The following FBLN7 variants were observed in gnomAD, a reference collection of about 807,000 sequenced individuals.
The protein encoded by FBLN7 is fibulin-7.
Under a neutral mutation model 44.0 loss-of-function variants are expected in FBLN7, and 31 were observed. The observed-to-expected ratio is 0.70, with a 90% CI of 0.53 to 0.95. The LOEUF (loss-of-function observed/expected upper bound fraction) is 0.95. Ranked by LOEUF, FBLN7 falls within the 40% of genes least tolerant of loss-of-function variation. The probability of loss-of-function intolerance (pLI) is 0.00; values close to 1 mark genes in which losing one functional copy is unlikely to be tolerated. For synonymous variants in FBLN7, 262 were observed against 253.4 expected (o/e 1.03, Z -0.32); for missense variants, 573 against 618.5 (o/e 0.93, Z 0.78).
chr2:112,170,157 G>A lies in FBLN7; in HGVS notation c.406+4986G>A, dbSNP rs537345979. ...CTTGGGAGGCTGAGGCAGAAGAATC[G>A]CTTGAACCCGGGAGGCGGAGATTGC... On this transcript the variant is annotated intron_variant, in intron 3 of 7. Coordinates refer to ENST00000331203, the MANE Select transcript of FBLN7 (RefSeq NM_153214.3). Among the ~76,000 whole-genome samples, 104 of 151,918 alleles carry A rather than the reference G, an allele frequency of 6.8e-4. No individual in the cohort carries two copies. In the Middle Eastern group the frequency reaches 0.017, roughly 25 times the overall value.
chr2:112,198,187 CCT>C, the FBLN7 span, among the ~76,000 whole-genome samples: 1 of 152,174 alleles, frequency 6.6e-6, no homozygotes, highest in African/African-American at 2.4e-5. Context: ...GGCTCTTACC[CCT>C]TTCTGTGGTC....
At chr2:112,232,165 A>T in the FBLN7 span, among the ~76,000 whole-genome samples, 2 of 152,166 alleles carry the variant, frequency 1.3e-5, no homozygotes, top group Non-Finnish European at 2.9e-5. Context: ...CAAAAAAATT[A>T]GCTGGGCATG....
intron 3 of FBLN7, among the ~76,000 whole-genome samples, chr2:112,170,795 T>C (rs74911784): frequency 0.043 from 6,597 of 152,244 alleles, 240 homozygotes; most frequent in African/African-American, 0.1. Flanking sequence ...AGAGAATGCA[T>C]TGGAGATGAC....
chr2:112,161,288 T>C (rs570001659), intron 2 of FBLN7, among the ~76,000 whole-genome samples: 1 of 152,184 alleles, frequency 6.6e-6, no homozygotes, highest in African/African-American at 2.4e-5. Context: ...TGAGTTGAAG[T>C]TTCCTGGGGA....
At chr2:112,155,068 C>G (rs1681346820) in intron 1 of FBLN7, among the ~76,000 whole-genome samples, 1 of 152,138 alleles carries the variant, frequency 6.6e-6, no homozygotes, top group Non-Finnish European at 1.5e-5. Context: ...GGGACTTGTT[C>G]TTTGTTTGAA....
intron 4 of FBLN7, among the ~76,000 whole-genome samples, chr2:112,179,684 G>A (rs1209742621): frequency 6.6e-6 from 1 of 152,126 alleles, no homozygotes; most frequent in African/African-American, 2.4e-5. Context: ...ACAGAAATAA[G>A]GCCACACATC....
intron 2 of FBLN7, among the ~76,000 whole-genome samples, chr2:112,160,885 AAT>A (rs1681833683): frequency 1.3e-5 from 2 of 150,196 alleles, no homozygotes; most frequent in Non-Finnish European, 3.0e-5. Context: ...GAGCCAGTGC[AAT>A]ACACTGGTTC....
At chr2:112,174,984 A>G (rs1170115691) in intron 3 of FBLN7, among the ~76,000 whole-genome samples, 2 of 151,438 alleles carry the variant, frequency 1.3e-5, no homozygotes, top group East Asian at 3.9e-4. Flanking sequence ...AAACTAGCAA[A>G]GAAAAATCAC....
intron 2 of FBLN7, among the ~76,000 whole-genome samples, chr2:112,160,814 G>A (rs1161446924): frequency 2.9e-5 from 4 of 137,044 alleles, no homozygotes; most frequent in African/African-American, 8.4e-5. Flanking sequence ...GCACACACAC[G>A]CACACACAAG....
At chr2:112,200,674 A>G in the FBLN7 span, among the ~76,000 whole-genome samples, 1 of 152,032 alleles carries the variant, frequency 6.6e-6, no homozygotes, top group Non-Finnish European at 1.5e-5. Context: ...GGCTGGGATT[A>G]CAGGTGCACC....
chr2:112,157,392 T>A (rs1558876205), intron 1 of FBLN7, among the ~76,000 whole-genome samples: 1 of 151,922 alleles, frequency 6.6e-6, no homozygotes, highest in Non-Finnish European at 1.5e-5. Context: ...TTAAATTAAA[T>A]TAAAACATAA....
chr2:112,224,296 T>A, the FBLN7 span, among the ~76,000 whole-genome samples: 1 of 152,190 alleles, frequency 6.6e-6, no homozygotes, highest in African/African-American at 2.4e-5. Context: ...AAAGAAAAAC[T>A]CTGGTCATGT....
the FBLN7 span, among the ~76,000 whole-genome samples, chr2:112,208,147 C>A: frequency 2.0e-5 from 3 of 152,136 alleles, no homozygotes; most frequent in Non-Finnish European, 4.4e-5. Context: ...CACCAGTAAT[C>A]CCAGCACTTT....
chr2:112,152,682 A>C (rs960179751), intron 1 of FBLN7: 2 of 152,146 alleles, frequency 1.3e-5, no homozygotes, highest in Non-Finnish European at 2.9e-5. Context: ...AGGTCCCCTG[A>C]GGAGGGAGTT....
chr2:112,211,727 G>A, the FBLN7 span: 1 of 151,160 alleles, frequency 6.6e-6, no homozygotes, highest in Non-Finnish European at 1.5e-5. Context: ...GTAGCTCAGA[G>A]TAACATACAA....
intron 3 of FBLN7, among the ~76,000 whole-genome samples, chr2:112,175,050 C>T (rs183058727): frequency 1.2e-4 from 18 of 152,340 alleles, no homozygotes; most frequent in Admixed American, 3.3e-4. Context: ...AAATAACAAT[C>T]TCTCTCTACA....
chr2:112,141,861 C>A (rs12618637), intron 1 of FBLN7, among the ~76,000 whole-genome samples: 75,666 of 152,026 alleles, frequency 0.5, 19,365 homozygotes, highest in East Asian at 0.86. Flanking sequence ...CATATGTTTG[C>A]AGCTGCTGCA....
At chr2:112,241,009 T>TTGTGTG in the FBLN7 span, among the ~76,000 whole-genome samples, 98 of 145,558 alleles carry the variant, frequency 6.7e-4, 2 homozygotes, top group African/African-American at 2.2e-3. Context: ...GTGTTGTGTT[T>TTGTGTG]TGTGTGTGTG....
At chr2:112,165,468 G>A (rs771877556) in intron 3 of FBLN7, among the ~76,000 whole-genome samples, 4 of 152,104 alleles carry the variant, frequency 2.6e-5, no homozygotes, top group East Asian at 1.9e-4. Flanking sequence ...GGGGGTGGGC[G>A]GCACAGTTAA....
Sources: gnomAD v4.1 joint callset for allele counts (sites outside exome capture counted in the v4.1 genomes callset) on GRCh38, gnomAD v4.1.1 for gene constraint, MANE v1.5 for transcripts, NCBI Gene and HGNC (gene_info 2026-07-23, HGNC 2026-07-21) for gene names.